CSNK1G1: variants seen among roughly 807,000 people sequenced by gnomAD.
CSNK1G1 encodes the protein casein kinase 1 gamma 1, also known as casein kinase I isoform gamma-1.
A neutral mutation model predicts 59.6 loss-of-function variants in CSNK1G1; 22 were observed. The ratio of observed to expected loss-of-function variants is 0.37; its 90% CI spans 0.26 to 0.53. CSNK1G1 has a LOEUF of 0.53. Ranked by LOEUF, CSNK1G1 falls within the 20% of genes least tolerant of loss-of-function variation. The probability of loss-of-function intolerance (pLI) is 0.89; values close to 1 mark genes in which losing one functional copy is unlikely to be tolerated. For synonymous variants in CSNK1G1, 179 were observed against 177.1 expected, an observed-to-expected ratio of 1.01 and a Z score of -0.08; for missense variants, 384 against 519.5, an observed-to-expected ratio of 0.74 and a Z score of 2.54.
intron 1 of CSNK1G1, among the ~76,000 whole-genome samples, chr15:64,338,835 T>C (rs1004143397): frequency 6.7e-6 from 1 of 149,524 alleles, no homozygotes; most frequent in Non-Finnish European, 1.5e-5. Context: ...CTGACCAACA[T>C]GGTGAAACCC....
intron 11 of CSNK1G1, among the ~76,000 whole-genome samples, chr15:64,174,514 T>C (rs143722348): frequency 2.2e-3 from 336 of 152,316 alleles, no homozygotes; most frequent in Non-Finnish European, 3.5e-3. Context: ...AGTCCACTGA[T>C]TGACTTTCAG....
At chr15:64,316,404 C>T (rs1896265533) in intron 1 of CSNK1G1, among the ~76,000 whole-genome samples, 1 of 151,798 alleles carries the variant, frequency 6.6e-6, no homozygotes, top group Admixed American at 6.6e-5. Context: ...GGCATGGTGG[C>T]ACACGCCTGT....
chr15:64,260,812 C>T (rs757458380), intron 2 of CSNK1G1, among the ~76,000 whole-genome samples: 5 of 152,038 alleles, frequency 3.3e-5, no homozygotes, highest in Non-Finnish European at 7.4e-5. Context: ...CAACAGAAGG[C>T]CCTCTGCAAT....
intron 2 of CSNK1G1, among the ~76,000 whole-genome samples, chr15:64,277,051 C>T (rs1396338141): frequency 6.6e-6 from 1 of 151,864 alleles, no homozygotes; most frequent in African/African-American, 2.4e-5. Flanking sequence ...AACCATGCAA[C>T]GTCAGTGACT....
chr15:64,314,340 T>A (rs1238139281), intron 1 of CSNK1G1, among the ~76,000 whole-genome samples: 2 of 152,076 alleles, frequency 1.3e-5, no homozygotes, highest in East Asian at 3.8e-4. Context: ...ATTTATTTTT[T>A]AAAAGTTTAA....
chr15:64,208,324 C>T (rs2082208710), intron 6 of CSNK1G1, among the ~76,000 whole-genome samples: 1 of 152,130 alleles, frequency 6.6e-6, no homozygotes, highest in Admixed American at 6.6e-5. Context: ...ATAATGAGAC[C>T]TCATCCCAAA....
chr15:64,275,677 T>C (rs1000176846), intron 2 of CSNK1G1, among the ~76,000 whole-genome samples: 1 of 152,148 alleles, frequency 6.6e-6, no homozygotes, highest in African/African-American at 2.4e-5. Context: ...GTGTAGAACA[T>C]GATCCATTAG....
At chr15:64,352,447 C>CTTT (rs1165768581) in intron 1 of CSNK1G1, among the ~76,000 whole-genome samples, 66,487 of 89,506 alleles carry the variant, frequency 0.74, 26,139 homozygotes, top group East Asian at 0.9. Context: ...TTGAATTCTT[C>CTTT]TTTTTTTTTT....
chr15:64,218,669 G>A (rs1363322404), intron 4 of CSNK1G1, among the ~76,000 whole-genome samples: 2 of 151,838 alleles, frequency 1.3e-5, no homozygotes, highest in Non-Finnish European at 2.9e-5. Context: ...GATTACAGGC[G>A]AGAGCTACCA....
At chr15:64,241,610 CT>C (rs1284268046) in intron 4 of CSNK1G1, among the ~76,000 whole-genome samples, 3 of 152,088 alleles carry the variant, frequency 2.0e-5, no homozygotes, top group Non-Finnish European at 4.4e-5. Flanking sequence ...AATATCTTTT[CT>C]GACCATAAGG....
At chr15:64,281,890 A>T (rs1894159168) in intron 2 of CSNK1G1, among the ~76,000 whole-genome samples, 1 of 151,818 alleles carries the variant, frequency 6.6e-6, no homozygotes, top group East Asian at 1.9e-4. Flanking sequence ...ACACTTAAAA[A>T]TGATTGAGAT....
intron 10 of CSNK1G1, among the ~76,000 whole-genome samples, chr15:64,193,443 G>T (rs2081998827): frequency 6.8e-6 from 1 of 147,422 alleles, no homozygotes; most frequent in Admixed American, 6.8e-5. Context: ...CATGAGCCGA[G>T]ATCGCGCCAC....
intron 4 of CSNK1G1, among the ~76,000 whole-genome samples, chr15:64,237,588 C>T (rs2082633130): frequency 6.6e-6 from 1 of 152,164 alleles, no homozygotes; most frequent in Non-Finnish European, 1.5e-5. Context: ...AGTATATCTT[C>T]AGAAGTTTGT....
intron 4 of CSNK1G1, among the ~76,000 whole-genome samples, chr15:64,242,747 C>G (rs1021250107): frequency 6.6e-6 from 1 of 152,106 alleles, no homozygotes; most frequent in Admixed American, 6.5e-5. Flanking sequence ...CAGGATTACC[C>G]TGATGCCAAA....
intron 10 of CSNK1G1, among the ~76,000 whole-genome samples, chr15:64,195,805 G>A (rs1249791560): frequency 6.6e-6 from 1 of 152,180 alleles, no homozygotes; most frequent in Admixed American, 6.5e-5. Flanking sequence ...GGACAAACAC[G>A]AAGTATAAAA....
At chr15:64,223,030 G>A (rs1321967594) in intron 4 of CSNK1G1, among the ~76,000 whole-genome samples, 1 of 152,070 alleles carries the variant, frequency 6.6e-6, no homozygotes, top group Admixed American at 6.6e-5. Context: ...GTTTCTTTGG[G>A]AGATGTAGCT....
At chr15:64,256,725 T>C (rs1892394049) in intron 3 of CSNK1G1, among the ~76,000 whole-genome samples, 1 of 152,188 alleles carries the variant, frequency 6.6e-6, no homozygotes, top group African/African-American at 2.4e-5. Flanking sequence ...GTTTACTTTG[T>C]GTACGATTTT....
intron 1 of CSNK1G1, among the ~76,000 whole-genome samples, chr15:64,353,630 G>C (rs1372366778): frequency 1.5e-5 from 2 of 134,772 alleles, no homozygotes; most frequent in African/African-American, 5.5e-5. Context: ...CTGGGTGACA[G>C]AGTGAGACTC....
At chr15:64,324,134 C>T (rs1896713321) in intron 1 of CSNK1G1, among the ~76,000 whole-genome samples, 1 of 152,194 alleles carries the variant, frequency 6.6e-6, no homozygotes, top group South Asian at 2.1e-4. Flanking sequence ...GACTCAAAAG[C>T]CCCTGACTTA....
Sources: allele counts gnomAD v4.1 joint callset (sites outside exome capture counted in the v4.1 genomes callset), GRCh38; gene constraint gnomAD v4.1.1; transcripts MANE v1.5; gene names NCBI Gene and HGNC (gene_info 2026-07-23, HGNC 2026-07-21).